Variants in C3orf20 observed in about 807,000 individuals in gnomAD.
C3orf20 encodes uncharacterized protein C3orf20.
C3orf20 carries 76 observed loss-of-function variants against 88.3 expected under a neutral mutation model. That is an observed-to-expected ratio of 0.86 (90% CI 0.72 to 1.04). The LOEUF is 1.04. C3orf20 is among the 50% of genes least tolerant of loss of function. The pLI, the probability that C3orf20 is intolerant of heterozygous loss-of-function variation, is 0.00. For missense variants in C3orf20, 1,056 were observed against 1,123.3 expected, an observed-to-expected ratio of 0.94 and a Z score of 0.86; for synonymous variants, 436 against 437.4, an observed-to-expected ratio of 1.00 and a Z score of 0.04.
At chr3:14,734,064 A>C (rs938196364) in intron 12 of C3orf20, among the ~76,000 whole-genome samples, 2 of 152,154 alleles carry the variant, frequency 1.3e-5, no homozygotes, top group African/African-American at 4.8e-5. Flanking sequence ...CCTCTTTTAC[A>C]ATACTAGTGT....
intron 12 of C3orf20, among the ~76,000 whole-genome samples, chr3:14,746,057 A>T (rs763455106): frequency 1.3e-5 from 2 of 152,172 alleles, no homozygotes; most frequent in Non-Finnish European, 2.9e-5. Flanking sequence ...CCCATTCTCC[A>T]TGTTTTACAT....
chr3:14,730,646 T>A (rs2034514186), intron 12 of C3orf20, among the ~76,000 whole-genome samples: 1 of 152,250 alleles, frequency 6.6e-6, no homozygotes, highest in Non-Finnish European at 1.5e-5. Flanking sequence ...CAAACTGTGC[T>A]ACTATTGATT....
At chr3:14,755,914 A>G (rs1287098343) in intron 12 of C3orf20, among the ~76,000 whole-genome samples, 2 of 151,560 alleles carry the variant, frequency 1.3e-5, no homozygotes, top group East Asian at 3.9e-4. Flanking sequence ...CTGTAGTCCC[A>G]GCTACTCAGG....
intron 5 of C3orf20, among the ~76,000 whole-genome samples, chr3:14,696,513 C>T (rs946519936): frequency 1.3e-5 from 2 of 151,784 alleles, no homozygotes; most frequent in African/African-American, 4.8e-5. Context: ...GCCTCAGCCT[C>T]CCAAGTAGCT....
intron 12 of C3orf20, among the ~76,000 whole-genome samples, chr3:14,748,488 C>T (rs999216731): frequency 6.6e-6 from 1 of 151,994 alleles, no homozygotes; most frequent in Non-Finnish European, 1.5e-5. Flanking sequence ...ATTTTCTTCC[C>T]TCTGCCAGCT....
intron 7 of C3orf20, among the ~76,000 whole-genome samples, chr3:14,711,776 A>G (rs1214732739): frequency 4.6e-5 from 7 of 151,512 alleles, no homozygotes; most frequent in Non-Finnish European, 1.0e-4. Context: ...TTGATTAGAG[A>G]GTTTAATCTA....
chr3:14,770,949 C>T (rs1227620878), intron 15 of C3orf20, among the ~76,000 whole-genome samples: 1 of 152,180 alleles, frequency 6.6e-6, no homozygotes, highest in Non-Finnish European at 1.5e-5. Flanking sequence ...TGAGGTGTGG[C>T]ACAGAGGTAA....
intron 12 of C3orf20, among the ~76,000 whole-genome samples, chr3:14,738,820 T>G (rs1282092862): frequency 2.7e-5 from 4 of 145,798 alleles, no homozygotes; most frequent in East Asian, 3.9e-4. Flanking sequence ...TTTTTGTTTT[T>G]TTTTTTTTTT....
rs180803306 is a variant in C3orf20, at chr3:14,731,428, C to T, written c.1940+2740C>T. Among the ~76,000 whole-genome samples the T allele has an allele frequency of 1.8e-4, 28 of 152,140 alleles. No homozygotes were observed. In the East Asian group the frequency reaches 4.2e-3, roughly 23 times the overall value. On this transcript the variant is annotated intron_variant, in intron 12 of 16. Transcript: ENST00000253697. The stretch of plus-strand genomic sequence containing the variant: ...GAGACTCATTATATAGTTGTATTCA[C>T]GGATAAGGTTTATTATAATGGAAGG...
intron 4 of C3orf20, among the ~76,000 whole-genome samples, chr3:14,684,595 A>C (rs1235926240): frequency 6.6e-6 from 1 of 152,188 alleles, no homozygotes. Context: ...AGTGGGCAAC[A>C]GCTACACCTC....
At chr3:14,688,540 A>G (rs1284747841) in intron 4 of C3orf20, among the ~76,000 whole-genome samples, 1 of 151,074 alleles carries the variant, frequency 6.6e-6, no homozygotes, top group Admixed American at 6.6e-5. Context: ...AAAAAAAAAA[A>G]AAAAAAGAAA....
Position 14,683,325 on chromosome 3 carries a change from C to T in C3orf20, c.484+128C>T, listed in dbSNP as rs184855891. On this transcript the variant is annotated intron_variant, in intron 3 of 16. Coordinates refer to ENST00000253697, the MANE Select transcript of C3orf20 (RefSeq NM_032137.5). ...AATTGGATGCCTTCCCTCTGCGGCTCCTGGAATCATCCTCTCACTCCTCCC... is the reference window on the plus strand; with the variant it reads ...AATTGGATGCCTTCCCTCTGCGGCTTCTGGAATCATCCTCTCACTCCTCCC... The T allele has an allele frequency of 3.1e-5, 37 of 1,201,064 alleles. No homozygotes were observed. In the East Asian group the frequency reaches 7.1e-4, roughly 23 times the overall value. The allele number at this position is 1,201,064 out of a possible 1,614,324, so 74.4% of individuals were successfully genotyped here. A position where few individuals can be genotyped will look rare whatever the true frequency, so the allele number is the denominator to read the frequency against.
intron 12 of C3orf20, among the ~76,000 whole-genome samples, chr3:14,738,362 T>C (rs1559432032): frequency 1.3e-5 from 2 of 150,820 alleles, no homozygotes; most frequent in Non-Finnish European, 3.0e-5. Flanking sequence ...GGAGTCTTGC[T>C]CTGTTGCCCA....
Position 14,772,473 on chromosome 3 carries a change from G to A in C3orf20, c.2630+272G>A, listed in dbSNP as rs1228055624. ...GACCCATTAGTCTGAGAAGGGTGGA[G>A]ACTGCCCCGCTGTCTCCTTGCAAGA... On this transcript the variant is annotated intron_variant, in intron 16 of 16. Coordinates refer to ENST00000253697, the MANE Select transcript of C3orf20 (RefSeq NM_032137.5). The surrounding 1 kb of genome is among the most constrained non-coding windows in gnomAD (Gnocchi z 4.2). 1.3e-5 allele frequency among the ~76,000 whole-genome samples: 2 copies of A among 152,230 alleles called. No homozygotes were observed. The highest frequency in any genetic ancestry group is 2.9e-5 in the Non-Finnish European group (2 of 68,046).
chr3:14,728,299 G>C, intron 11 of C3orf20, 140 bp from the exon 12 acceptor site: 2 of 913,154 alleles, frequency 2.2e-6, no homozygotes, highest in Admixed American at 2.3e-5. Context: ...CAGCAGAGGG[G>C]AGGTGCCGGA....
chr3:14,734,537 G>A (rs543648175), intron 12 of C3orf20, among the ~76,000 whole-genome samples: 162 of 152,120 alleles, frequency 1.1e-3, no homozygotes, highest in African/African-American at 3.7e-3. Context: ...ATTAAATTGT[G>A]TTGTGGTCAG....
At chr3:14,694,197 T>C (rs4685209) in intron 5 of C3orf20, among the ~76,000 whole-genome samples, 101,750 of 152,020 alleles carry the variant, frequency 0.67, 34,172 homozygotes, top group Middle Eastern at 0.71. Context: ...CAGAGTAATA[T>C]TGGCATCATA....
intron 13 of C3orf20, 33 bp from the exon 14 acceptor site, chr3:14,759,858 G>A: frequency 1.9e-6 from 3 of 1,555,336 alleles, no homozygotes; most frequent in Non-Finnish European, 2.7e-6. Flanking sequence ...ATTGGCATGG[G>A]GGTGACCAGT....
intron 12 of C3orf20, among the ~76,000 whole-genome samples, chr3:14,729,686 C>T (rs1043314884): frequency 2.0e-5 from 3 of 152,146 alleles, no homozygotes; most frequent in Admixed American, 1.3e-4. Flanking sequence ...GCTGGGACAA[C>T]AGGCATGCAC....
Sources: gnomAD v4.1 joint callset for allele counts (sites outside exome capture counted in the v4.1 genomes callset) on GRCh38, gnomAD v4.1.1 for gene constraint, Gnocchi (gnomAD v3.1) non-coding constraint, MANE v1.5 for transcripts, NCBI Gene and HGNC (gene_info 2026-07-23, HGNC 2026-07-21) for gene names.